The following PCDHGA4 variants were observed in gnomAD, a reference collection of about 807,000 sequenced individuals.
PCDHGA4 encodes protocadherin gamma-A4.
In PCDHGA4, 38 loss-of-function variants were observed where a neutral mutation model predicts 54.6. The ratio of observed to expected loss-of-function variants is 0.70; its 90% CI spans 0.54 to 0.91. The LOEUF is 0.91. Among genes scored for constraint, PCDHGA4 ranks in the 40% least tolerant of loss-of-function variants. The pLI is 0.00. For synonymous variants in PCDHGA4, 511 were observed against 512.9 expected (o/e 1.00, Z 0.05); for missense variants, 1,298 against 1,220.9 (o/e 1.06, Z -0.94).
At chr5:141,423,790 T>C (rs1561813105) in intron 1 of PCDHGA4, 2 of 1,261,874 alleles carry the variant, frequency 1.6e-6, no homozygotes, top group Non-Finnish European at 1.0e-6. Context: ...TTCATATATA[T>C]TTAGAGCAAT....
At chr5:141,376,221 C>A (rs919176873) in intron 1 of PCDHGA4, 8 of 1,614,216 alleles carry the variant, frequency 5.0e-6, no homozygotes, top group Middle Eastern at 1.7e-4. Context: ...GTGCTGCTGG[C>A]GCTCAGACTG....
rs372245447 is a variant in PCDHGA4, at chr5:141,489,609, C to T, written c.2515-5198C>T. ...AGCTAATCCGTGTAGAGGTAGAGAT[C>T]CTGGATCTCAATGACAACTCTCCTA... On this transcript the variant is annotated intron_variant, in intron 1 of 3. Coordinates refer to ENST00000571252, the MANE Select transcript of PCDHGA4 (RefSeq NM_018917.4). This position sits in a 1 kb window ranked among gnomAD's most constrained non-coding sequence, Gnocchi z 4.5. The T allele has an allele frequency of 1.9e-6, 3 of 1,613,934 alleles. No homozygotes were observed. The African/African-American group carries it at 4.0e-5, about 22-fold the overall frequency.
chr5:141,503,912 AAC>A lies in PCDHGA4; in HGVS notation c.2574-1471_2574-1470del, dbSNP rs34419983. Among the ~76,000 whole-genome samples, 284 of 152,278 alleles carry A rather than the reference AAC, an allele frequency of 1.9e-3. 1 individual carries two copies. The highest frequency in any genetic ancestry group is 0.014 in the Middle Eastern group (4 of 292). Reference sequence around the variant, plus strand: ...GACAAAATATGCACACACACAACGCAACACACACACAGACATTTTCATGCCTT... The same window carrying A: ...GACAAAATATGCACACACACAACGCAACACACACAGACATTTTCATGCCTT... On this transcript the variant is annotated intron_variant, in intron 2 of 3. Coordinates refer to ENST00000571252, the MANE Select transcript of PCDHGA4 (RefSeq NM_018917.4).
Position 141,490,778 on chromosome 5 carries a change from A to T in PCDHGA4, c.2515-4029A>T, listed in dbSNP as rs964301520. The T allele has an allele frequency of 5.6e-6, 9 of 1,614,098 alleles. No individual in the cohort carries two copies. The highest frequency in any genetic ancestry group is 7.6e-6 in the Non-Finnish European group (9 of 1,179,962). On this transcript the variant is annotated intron_variant, in intron 1 of 3. Transcript: ENST00000571252. This position sits in a 1 kb window ranked among gnomAD's most constrained non-coding sequence, Gnocchi z 5.4. ...TCCTTTGTGTATGTCAACCCAGAGG[A>T]TGGACGGATCTTTGCCCAGCGTACC... is the stretch of plus-strand genomic sequence containing the variant.
rs200873701 is a variant in PCDHGA4, at chr5:141,375,789, C to T, written c.2514+18168C>T. ...GAGATCCTGTACCCCGCCCTCCCCA[C>T]AGACGGTTCCACTGGCGTGGAGCTG... On this transcript the variant is annotated intron_variant, in intron 1 of 3. Coordinates refer to ENST00000571252, the MANE Select transcript of PCDHGA4 (RefSeq NM_018917.4). The T allele has an allele frequency of 7.9e-5, 128 of 1,614,258 alleles. No individual in the cohort carries two copies. The Middle Eastern group carries it at 1.8e-3, about 23-fold the overall frequency.
At chr5:141,424,198 C>A (rs116187844) in intron 1 of PCDHGA4, 2 of 181,904 alleles carry the variant, frequency 1.1e-5, no homozygotes, top group South Asian at 1.9e-4. Context: ...CACTTATACA[C>A]GTAAGCTTTT....
At chr5:141,362,759 A>G in intron 1 of PCDHGA4, 3 of 647,296 alleles carry the variant, frequency 4.6e-6, no homozygotes, top group Non-Finnish European at 7.8e-6. Flanking sequence ...AACCTTTATC[A>G]CATGAGATAT....
Position 141,493,508 on chromosome 5 carries a change from C to T in PCDHGA4, c.2515-1299C>T, listed in dbSNP as rs2099748607. 1.3e-5 allele frequency among the ~76,000 whole-genome samples: 2 copies of T among 152,284 alleles called. No homozygotes were observed. The highest frequency in any genetic ancestry group is 4.1e-4 in the South Asian group (2 of 4,820). On this transcript the variant is annotated intron_variant, in intron 1 of 3. Transcript: ENST00000571252. The surrounding 1 kb of genome is among the most constrained non-coding windows in gnomAD (Gnocchi z 4.3). Reference sequence around the variant, plus strand: ...TCTTCTGTGGCTCCTCATTTCTGAGCAGTCCCCGCAGCGCAAACTTGGCCA... The same window carrying T: ...TCTTCTGTGGCTCCTCATTTCTGAGTAGTCCCCGCAGCGCAAACTTGGCCA...
intron 1 of PCDHGA4, among the ~76,000 whole-genome samples, chr5:141,454,796 ATTTTTTTTTTTTTT>A (rs61612330): frequency 5.2e-5 from 4 of 77,408 alleles, no homozygotes; most frequent in Non-Finnish European, 9.3e-5. Flanking sequence ...CATGGTTCTA[ATTTTTTTTTTTTTT>A]TTTTTTTTTT....
intron 1 of PCDHGA4, among the ~76,000 whole-genome samples, chr5:141,370,104 TCTC>T (rs1276559358): frequency 6.6e-6 from 1 of 152,240 alleles, no homozygotes; most frequent in African/African-American, 2.4e-5. Context: ...TGCCGATTTT[TCTC>T]CTAACTAGCT....
chr5:141,381,832 T>TCTTC (rs1561589349), intron 1 of PCDHGA4, among the ~76,000 whole-genome samples: 34 of 135,172 alleles, frequency 2.5e-4, no homozygotes, highest in African/African-American at 1.0e-3. Context: ...TCTTCTTTTT[T>TCTTC]TTTTTTTTTT....
rs2096260633 is a variant in PCDHGA4 at position 141,418,459 on chromosome 5, G to C, written c.2514+60838G>C. 2.5e-6 allele frequency: 4 copies of C among 1,613,992 alleles called. No homozygotes were observed. In the East Asian group the frequency reaches 6.7e-5, roughly 27 times the overall value. ...CAGAATTAGTATTGCAGAAGACTCT[G>C]GACCGAGAAACGCAGAGCGCTCACC... On this transcript the variant is annotated intron_variant, in intron 1 of 3. Transcript: ENST00000571252.
rs911594122 is a variant in PCDHGA4, at chr5:141,383,374, G to C, written c.2514+25753G>C. On this transcript the variant is annotated intron_variant, in intron 1 of 3. Transcript: ENST00000571252. ...TCGGTTTCCGTTAAGCGAGGCTGGGGATCCAGATGTGGGCACGAACTCCCT... is the reference window on the plus strand; with the variant it reads ...TCGGTTTCCGTTAAGCGAGGCTGGGCATCCAGATGTGGGCACGAACTCCCT... 1.2e-6 allele frequency: 2 copies of C among 1,613,910 alleles called. No homozygotes were observed. The highest frequency in any genetic ancestry group is 2.7e-5 in the African/African-American group (2 of 74,936).
chr5:141,375,842 C>CT (rs1331781655), intron 1 of PCDHGA4: 1 of 1,614,004 alleles, frequency 6.2e-7, no homozygotes, highest in Non-Finnish European at 8.5e-7. Flanking sequence ...GCCCGGCTAC[C>CT]TGGTGACCAA....
chr5:141,403,612 G>C (rs1314297922), intron 1 of PCDHGA4: 9 of 1,613,736 alleles, frequency 5.6e-6, no homozygotes, highest in African/African-American at 1.3e-5. Flanking sequence ...GCGGCGAGCC[G>C]CGTCGCTCCA....
At chr5:141,453,871 A>T (rs561367146) in intron 1 of PCDHGA4, among the ~76,000 whole-genome samples, 8 of 152,364 alleles carry the variant, frequency 5.3e-5, no homozygotes, top group African/African-American at 1.9e-4. Flanking sequence ...ACAGATGAGC[A>T]AAATAATGTG....
intron 1 of PCDHGA4, among the ~76,000 whole-genome samples, chr5:141,438,252 G>A (rs1181991674): frequency 6.6e-6 from 1 of 152,072 alleles, no homozygotes. Context: ...AACTGTCATT[G>A]AAGAGACCAT....
intron 1 of PCDHGA4, chr5:141,402,978 T>C (rs746626227): frequency 2.5e-6 from 4 of 1,608,452 alleles, no homozygotes; most frequent in Non-Finnish European, 3.4e-6. Context: ...AAATGCCAGC[T>C]CCGCGGAAGA....
intron 1 of PCDHGA4, among the ~76,000 whole-genome samples, chr5:141,450,776 C>T (rs757791026): frequency 4.0e-5 from 6 of 151,440 alleles, no homozygotes; most frequent in Non-Finnish European, 8.8e-5. Context: ...CATGAGCCAC[C>T]GTGCCCGGAC....
Sources: gnomAD v4.1 joint callset for allele counts (sites outside exome capture counted in the v4.1 genomes callset) on GRCh38, gnomAD v4.1.1 for gene constraint, Gnocchi (gnomAD v3.1) non-coding constraint, MANE v1.5 for transcripts, NCBI Gene and HGNC (gene_info 2026-07-23, HGNC 2026-07-21) for gene names.